The following STXBP5L variants were observed in gnomAD, a reference collection of about 807,000 sequenced individuals.
STXBP5L encodes the protein syntaxin binding protein 5L, also known as syntaxin-binding protein 5-like.
A neutral mutation model predicts 144.5 loss-of-function variants in STXBP5L; 65 were observed. The observed-to-expected ratio is 0.45, with a 90% CI of 0.37 to 0.55. The LOEUF is 0.55. Among genes scored for constraint, STXBP5L ranks in the 20% least tolerant of loss-of-function variants. STXBP5L has a pLI of 0.00. For synonymous variants in STXBP5L, 505 were observed against 469.6 expected (o/e 1.08, Z -0.97); for missense variants, 1,298 against 1,405.5 (o/e 0.92, Z 1.22).
intron 19 of STXBP5L, among the ~76,000 whole-genome samples, chr3:121,300,394 C>T (rs1242880166): frequency 1.3e-5 from 2 of 152,092 alleles, no homozygotes; most frequent in Non-Finnish European, 2.9e-5. Flanking sequence ...GGTATTTTGT[C>T]TTTCCGTAAA....
chr3:120,977,776 A>G (rs972490370), intron 3 of STXBP5L, among the ~76,000 whole-genome samples: 4 of 151,030 alleles, frequency 2.6e-5, no homozygotes, highest in Admixed American at 6.6e-5. Context: ...CTTGTCTGTG[A>G]AGTATTTTAT....
Position 121,313,395 on chromosome 3 carries a change from ACCCCCCACCTCCCTC to A in STXBP5L, c.2111-5077_2111-5063del, listed in dbSNP as rs1559964637. 2.0e-3 allele frequency among the ~76,000 whole-genome samples: 175 copies of A among 86,320 alleles called. 4 individuals carry two copies. The highest frequency in any genetic ancestry group is 2.7e-3 in the Non-Finnish European group (119 of 44,106). 56.6% of individuals were successfully genotyped at this position (86,320 alleles called of 152,430 possible). ...GGGCGGCTGGCCGGGCGGGGGGCTGACCCCCCACCTCCCTCCCGGACTGGGCGGCTGGCCGGGCGG... is the reference window on the plus strand; with the variant it reads ...GGGCGGCTGGCCGGGCGGGGGGCTGACCGGACTGGGCGGCTGGCCGGGCGG... On this transcript the variant is annotated intron_variant, in intron 19 of 26. Transcript: ENST00000471454.
intron 22 of STXBP5L, among the ~76,000 whole-genome samples, chr3:121,386,523 G>T (rs1415942677): frequency 1.3e-5 from 2 of 152,054 alleles, no homozygotes; most frequent in African/African-American, 4.8e-5. Flanking sequence ...ATTTACATTA[G>T]GTATTTCTTC....
intron 5 of STXBP5L, among the ~76,000 whole-genome samples, chr3:121,106,891 C>A (rs186234333): frequency 2.6e-5 from 4 of 152,274 alleles, no homozygotes; most frequent in African/African-American, 7.2e-5. Flanking sequence ...TTCTCCACAG[C>A]CTCGCCAGCA....
At chr3:120,974,047 G>A (rs1449330240) in intron 3 of STXBP5L, among the ~76,000 whole-genome samples, 1 of 152,098 alleles carries the variant, frequency 6.6e-6, no homozygotes, top group African/African-American at 2.4e-5. Context: ...AGTCCTTTGG[G>A]TATATACCGA....
At chr3:121,304,849 A>G (rs1226847433) in intron 19 of STXBP5L, among the ~76,000 whole-genome samples, 1 of 152,086 alleles carries the variant, frequency 6.6e-6, no homozygotes, top group Non-Finnish European at 1.5e-5. Context: ...AGGAAATAAT[A>G]ATCATCAAAA....
chr3:121,280,909 CTAA>C (rs150499478), intron 19 of STXBP5L, among the ~76,000 whole-genome samples: 5 of 148,892 alleles, frequency 3.4e-5, no homozygotes, highest in Non-Finnish European at 4.5e-5. Flanking sequence ...GACCCCATCT[CTAA>C]TAATAATAAT....
chr3:120,953,325 C>CTTTTTT (rs397875191), intron 2 of STXBP5L, among the ~76,000 whole-genome samples: 2 of 105,742 alleles, frequency 1.9e-5, no homozygotes, highest in African/African-American at 7.6e-5. Flanking sequence ...TCACAATTGA[C>CTTTTTT]TTTTTTTTTT....
At chr3:121,275,096 C>T (rs1428233537) in intron 18 of STXBP5L, among the ~76,000 whole-genome samples, 5 of 152,176 alleles carry the variant, frequency 3.3e-5, no homozygotes, top group East Asian at 3.8e-4. Context: ...ATCTGTTCTA[C>T]CAATATCTAG....
intron 7 of STXBP5L, among the ~76,000 whole-genome samples, chr3:121,123,886 T>A (rs942072689): frequency 5.3e-5 from 8 of 151,900 alleles, no homozygotes; most frequent in Admixed American, 2.0e-4. Flanking sequence ...ATATGCAGTT[T>A]TATCAGTCTT....
chr3:121,366,812 T>G (rs560606573), intron 20 of STXBP5L, among the ~76,000 whole-genome samples: 96 of 149,388 alleles, frequency 6.4e-4, no homozygotes, highest in Middle Eastern at 6.8e-3. Flanking sequence ...AGCTTTTTTG[T>G]ACTCCATTTT....
intron 3 of STXBP5L, among the ~76,000 whole-genome samples, chr3:121,010,648 C>T (rs1026122125): frequency 1.4e-4 from 21 of 151,866 alleles, no homozygotes; most frequent in Non-Finnish European, 2.5e-4. Context: ...TAATAGCCTA[C>T]TGTTGACTGC....
intron 5 of STXBP5L, among the ~76,000 whole-genome samples, chr3:121,063,840 C>T (rs1475236306): frequency 6.6e-6 from 1 of 152,056 alleles, no homozygotes; most frequent in African/African-American, 2.4e-5. Flanking sequence ...CGCCCCTCCC[C>T]CCACCAAGAT....
chr3:121,083,437 A>G (rs535383002), intron 5 of STXBP5L, among the ~76,000 whole-genome samples: 2 of 151,988 alleles, frequency 1.3e-5, no homozygotes, highest in Non-Finnish European at 2.9e-5. Context: ...TGAGGTGGGC[A>G]GATCACTTGA....
chr3:121,180,336 C>T (rs1390324382), intron 9 of STXBP5L, among the ~76,000 whole-genome samples: 1 of 152,178 alleles, frequency 6.6e-6, no homozygotes, highest in African/African-American at 2.4e-5. Flanking sequence ...TCCAGCAAAA[C>T]TAAGCTTCAT....
chr3:121,132,621 T>A (rs2107902339), intron 7 of STXBP5L, among the ~76,000 whole-genome samples: 1 of 152,006 alleles, frequency 6.6e-6, no homozygotes, highest in Non-Finnish European at 1.5e-5. Flanking sequence ...AAATGAAGAA[T>A]CAGACAAAAA....
intron 3 of STXBP5L, among the ~76,000 whole-genome samples, chr3:121,038,302 T>A (rs1319474659): frequency 6.6e-6 from 1 of 151,988 alleles, no homozygotes; most frequent in Non-Finnish European, 1.5e-5. Flanking sequence ...AAGTGCTGCT[T>A]TAGCTGCATC....
chr3:121,103,446 C>A (rs567134617), intron 5 of STXBP5L, among the ~76,000 whole-genome samples: 9 of 152,058 alleles, frequency 5.9e-5, no homozygotes, highest in Non-Finnish European at 1.0e-4. Flanking sequence ...AACAGAAAAC[C>A]AAACAACACA....
intron 19 of STXBP5L, among the ~76,000 whole-genome samples, chr3:121,312,655 G>A (rs2043582314): frequency 6.6e-6 from 1 of 150,682 alleles, no homozygotes; most frequent in South Asian, 2.1e-4. Context: ...AGGGAGTGGT[G>A]ATGACTCTTA....
Sources: allele counts gnomAD v4.1 joint callset (sites outside exome capture counted in the v4.1 genomes callset), GRCh38; gene constraint gnomAD v4.1.1; transcripts MANE v1.5; gene names NCBI Gene and HGNC (gene_info 2026-07-23, HGNC 2026-07-21).